Variants in NOS1 observed in about 807,000 individuals in gnomAD.
The protein encoded by NOS1 is nitric oxide synthase 1, also known as NOS type I.
A neutral mutation model predicts 164.5 loss-of-function variants in NOS1; 51 were observed. The ratio of observed to expected loss-of-function variants is 0.31; its 90% confidence interval spans 0.25 to 0.39. The LOEUF (loss-of-function observed/expected upper bound fraction) is 0.39. Ranked by LOEUF, NOS1 falls within the 10% of genes least tolerant of loss-of-function variation. The probability of loss-of-function intolerance (pLI) is 1.00; values close to 1 mark genes in which losing one functional copy is unlikely to be tolerated. For missense variants in NOS1, 1,362 were observed against 1,885.6 expected (o/e 0.72, Z 5.14); for synonymous variants, 719 against 745.8 (o/e 0.96, Z 0.59).
intron 12 of NOS1, among the ~76,000 whole-genome samples, chr12:117,264,523 T>TTTCCTTCC (rs1336977900): frequency 6.7e-6 from 1 of 149,040 alleles, no homozygotes; most frequent in Non-Finnish European, 1.5e-5. Flanking sequence ...CCTTCCTTCC[T>TTTCCTTCC]TTCCTTCCTT....
intron 1 of NOS1, among the ~76,000 whole-genome samples, chr12:117,353,013 TATCCATCCATCCATCCATCTATCC>T (rs1363479750): frequency 6.6e-6 from 1 of 152,060 alleles, no homozygotes; most frequent in Non-Finnish European, 1.5e-5. Context: ...GTCATCTATC[TATCCATCCATCCATCCATCTATCC>T]ATCCATCCAT....
At position 117,211,790 on chromosome 12, in the gene NOS1, G is replaced by A. The variant is rs946844501; in HGVS notation, c.*3519C>T. 19 of 985,308 alleles carry A rather than the reference G, an allele frequency of 1.9e-5. No individual in the cohort carries two copies. Among genetic ancestry groups the A allele is most frequent in the Non-Finnish European group, 2.2e-5 (18 of 829,984 alleles). 61.0% of individuals were successfully genotyped at this position (985,308 alleles called of 1,614,324 possible). On this transcript the variant is annotated 3_prime_UTR_variant, in exon 29 of 29. Transcript: ENST00000317775. The stretch of plus-strand genomic sequence containing the variant: ...CCATCAGATTATAACCTTTGGCTGG[G>A]CGTGGTGGCTCATGCCTGTAATCCA...
At chr12:117,258,867 C>G (rs1002641347) in intron 15 of NOS1, among the ~76,000 whole-genome samples, 159 bp downstream of exon 15, 7 of 152,180 alleles carry the variant, frequency 4.6e-5, no homozygotes, top group African/African-American at 9.7e-5. Context: ...TTGGAATTGT[C>G]CAACCTTTGT....
At chr12:117,353,719 T>C (rs1876737342) in intron 1 of NOS1, among the ~76,000 whole-genome samples, 1 of 152,206 alleles carries the variant, frequency 6.6e-6, no homozygotes. Context: ...TGGGGCACAA[T>C]GCTTGACTTA....
chr12:117,282,730 G>A (rs896675967), intron 7 of NOS1, among the ~76,000 whole-genome samples: 1 of 152,154 alleles, frequency 6.6e-6, no homozygotes, highest in African/African-American at 2.4e-5. Flanking sequence ...AGATGAACAC[G>A]GAGTGAGTCA....
chr12:117,342,336 T>C (rs989229371), intron 1 of NOS1, among the ~76,000 whole-genome samples: 1 of 151,960 alleles, frequency 6.6e-6, no homozygotes, highest in African/African-American at 2.4e-5. Flanking sequence ...ATATTAGTGA[T>C]AAAAACAATG....
intron 26 of NOS1, among the ~76,000 whole-genome samples, chr12:117,222,443 A>C (rs977911677): frequency 6.6e-6 from 1 of 152,004 alleles, no homozygotes; most frequent in African/African-American, 2.4e-5. Context: ...TTTAGTAGAC[A>C]GGGTTTCACC....
In NOS1 at chr12:117,226,762, C is replaced by T; in HGVS notation, c.3625G>A (p.Gly1209Arg). The T allele has an allele frequency of 2.5e-6, 4 of 1,613,784 alleles. No homozygotes were observed. Among genetic ancestry groups the T allele is most frequent in the Non-Finnish European group, 2.5e-6 (3 of 1,179,782 alleles). ...GAGCATACGCCGTGGTGAATTGGTC[C>T]TTCTCCATCTAGTAGAATAACCAAG... ...IVSYRTRDGE[G>R]PIHHGVCSSW... The change falls in exon 24 of 29, where the codon GGA becomes AGA. Residue 1209 changes from glycine to arginine, a missense_variant. Around this residue, in one of 4 missense-constraint regions of NOS1, gnomAD observed 737 missense variants for 1,030.3 expected, o/e 0.72. Transcript: ENST00000317775.
rs189168076 is a variant in NOS1 at position 117,234,876 on chromosome 12, C to T, written c.3042-118G>A. ...TCCTCCTTCCATTCTTGTTGGGGCC[C>T]GTGCTAACCAAGCCTATGCCCCCAT... On this transcript the variant is annotated intron_variant, in intron 20 of 28. Coordinates refer to ENST00000317775, the MANE Select transcript of NOS1 (RefSeq NM_000620.5). The surrounding 1 kb of genome is among the most constrained non-coding windows in gnomAD (Gnocchi z 4.3). 6.3e-5 allele frequency: 46 copies of T among 726,832 alleles called. No individual in the cohort carries two copies. The highest frequency in any genetic ancestry group is 6.8e-4 in the Middle Eastern group (2 of 2,950). 45.0% of individuals were successfully genotyped at this position (726,832 alleles called of 1,614,324 possible).
chr12:117,317,895 G>A (rs948125820), intron 2 of NOS1, among the ~76,000 whole-genome samples: 4 of 152,112 alleles, frequency 2.6e-5, no homozygotes, highest in African/African-American at 4.8e-5. Flanking sequence ...TTCCTGGCCC[G>A]GCATGGTGAC....
chr12:117,286,801 G>A (rs1874155005), intron 5 of NOS1, among the ~76,000 whole-genome samples: 1 of 152,192 alleles, frequency 6.6e-6, no homozygotes, highest in African/African-American at 2.4e-5. Flanking sequence ...TCTGTCCCCA[G>A]AAGTGACTGC....
chr12:117,305,930 T>G (rs1252128491), intron 3 of NOS1, among the ~76,000 whole-genome samples: 2 of 151,302 alleles, frequency 1.3e-5, no homozygotes, highest in East Asian at 3.9e-4. Context: ...TAGCTAGGAG[T>G]ACAGGTGTGT....
chr12:117,360,733 C>G (rs1402856585), intron 1 of NOS1, among the ~76,000 whole-genome samples: 1 of 152,192 alleles, frequency 6.6e-6, no homozygotes, highest in African/African-American at 2.4e-5. Flanking sequence ...CTCGCAGTTG[C>G]GATTCGGCCG....
At chr12:117,289,951 C>G (rs9658330) in intron 4 of NOS1, among the ~76,000 whole-genome samples, 66,173 of 152,032 alleles carry the variant, frequency 0.44, 14,577 homozygotes, top group Admixed American at 0.52. Context: ...GACTTTCCCC[C>G]CTCCCTGTGT....
At chr12:117,352,963 A>G (rs1876692432) in intron 1 of NOS1, among the ~76,000 whole-genome samples, 1 of 152,170 alleles carries the variant, frequency 6.6e-6, no homozygotes, top group Admixed American at 6.5e-5. Flanking sequence ...TTCAACAGCT[A>G]TTAGCATTTT....
chr12:117,324,334 G>A (rs1875133493), intron 2 of NOS1, among the ~76,000 whole-genome samples: 1 of 152,164 alleles, frequency 6.6e-6, no homozygotes, highest in Non-Finnish European at 1.5e-5. Context: ...CTGACCTGCT[G>A]GTCCAGATGG....
At chr12:117,270,991 C>T (rs1187697562) in intron 10 of NOS1, among the ~76,000 whole-genome samples, 2 of 152,120 alleles carry the variant, frequency 1.3e-5, no homozygotes, top group Admixed American at 6.5e-5. Context: ...TGCAGTGAGC[C>T]AAGATCGCAC....
At chr12:117,295,572 G>A (rs890129424) in intron 3 of NOS1, among the ~76,000 whole-genome samples, 3 of 149,418 alleles carry the variant, frequency 2.0e-5, no homozygotes, top group South Asian at 4.2e-4. Flanking sequence ...CGATCACTGC[G>A]TTTGCTCAAA....
chr12:117,262,048 C>T (rs1486733394), intron 13 of NOS1, among the ~76,000 whole-genome samples: 3 of 152,178 alleles, frequency 2.0e-5, no homozygotes, highest in Non-Finnish European at 4.4e-5. Flanking sequence ...GCTAACTTCC[C>T]CCCACCTGGG....
Sources: allele counts gnomAD v4.1 joint callset (sites outside exome capture counted in the v4.1 genomes callset), GRCh38; gene constraint gnomAD v4.1.1; regional missense constraint gnomAD v4.1.1; non-coding constraint Gnocchi (gnomAD v3.1); transcripts MANE v1.5; gene names NCBI Gene and HGNC (gene_info 2026-07-23, HGNC 2026-07-21).